NLRP1: variants seen among roughly 807,000 people sequenced by gnomAD.
NLRP1 encodes the protein NLR family pyrin domain containing 1, also known as NACHT, LRR and PYD domains-containing protein 1.
In NLRP1, 94 loss-of-function variants were observed where a neutral mutation model predicts 136.7. The ratio of observed to expected loss-of-function variants is 0.69; its 90% CI spans 0.58 to 0.82. The LOEUF is 0.82. Among genes scored for constraint, NLRP1 ranks in the 40% least tolerant of loss-of-function variants. NLRP1 has a pLI of 0.00. For missense variants in NLRP1, 1,575 were observed against 1,802.7 expected, an observed-to-expected ratio of 0.87 and a Z score of 2.29; for synonymous variants, 690 against 725.1, an observed-to-expected ratio of 0.95 and a Z score of 0.78.
intron 3 of NLRP1, among the ~76,000 whole-genome samples, chr17:5,581,168 T>C (rs534658711): frequency 2.0e-5 from 3 of 152,340 alleles, no homozygotes; most frequent in Non-Finnish European, 2.9e-5. Context: ...AGAGGCAGCA[T>C]GGTTCAGTGG....
chr17:5,580,964 G>A (rs976284920), intron 3 of NLRP1, among the ~76,000 whole-genome samples: 40 of 152,072 alleles, frequency 2.6e-4, no homozygotes, highest in Admixed American at 2.5e-3. Flanking sequence ...AGACTCACGC[G>A]GTATATGTGC....
At chr17:5,552,787 C>T (rs76456298) in intron 5 of NLRP1, among the ~76,000 whole-genome samples, 2,899 of 152,312 alleles carry the variant, frequency 0.019, 98 homozygotes, top group African/African-American at 0.067. Context: ...TTAGTCCAAA[C>T]TATTACCATC....
chr17:5,516,923 G>A (rs1054538229), intron 15 of NLRP1, among the ~76,000 whole-genome samples: 8 of 152,148 alleles, frequency 5.3e-5, no homozygotes, highest in African/African-American at 1.4e-4. Context: ...CTGTTTGGGG[G>A]TTTGGGTTCT....
chr17:5,506,965 C>T (rs923486413), intron 15 of NLRP1, among the ~76,000 whole-genome samples: 7 of 149,334 alleles, frequency 4.7e-5, no homozygotes, highest in African/African-American at 1.7e-4. Context: ...ACCTTGAACA[C>T]TTTGTGATAA....
chr17:5,565,288 G>A (rs890871929), intron 3 of NLRP1, among the ~76,000 whole-genome samples: 1 of 152,168 alleles, frequency 6.6e-6, no homozygotes, highest in African/African-American at 2.4e-5. Context: ...ATCTTCTTCT[G>A]AGAAACGTCT....
At chr17:5,572,839 G>C (rs1203042956) in intron 3 of NLRP1, among the ~76,000 whole-genome samples, 1 of 152,142 alleles carries the variant, frequency 6.6e-6, no homozygotes, top group Non-Finnish European at 1.5e-5. Flanking sequence ...AATTGGGGTG[G>C]TTCCAAGATG....
At chr17:5,562,688 C>A (rs1384877940) in intron 3 of NLRP1, among the ~76,000 whole-genome samples, 1 of 152,172 alleles carries the variant, frequency 6.6e-6, no homozygotes, top group African/African-American at 2.4e-5. Flanking sequence ...AAATACAACA[C>A]CAAAATGTTT....
In NLRP1 at chr17:5,581,889, G is replaced by A. The variant is rs753571228; in HGVS notation, c.622C>T (p.Leu208=). 10 of 1,613,060 alleles carry A rather than the reference G, an allele frequency of 6.2e-6. No homozygotes were observed. The highest frequency in any genetic ancestry group is 6.8e-6 in the Non-Finnish European group (8 of 1,179,990). Residue 208 remains leucine, a synonymous_variant, in exon 3 of 17, where the codon CTG becomes TTG. Transcript: ENST00000572272. ...EQEAPGTQWP[L]DETSGIYYTE... The stretch of plus-strand genomic sequence containing the variant: ...TAGTAAATTCCTGACGTTTCATCCA[G>A]AGGCCATTGGGTCCCAGGAGCCTCC...
In NLRP1 at chr17:5,559,346, G is replaced by A. The variant is rs918854800; in HGVS notation, c.1350C>T (p.Pro450=). The change falls in exon 4 of 17, where the codon CCC becomes CCT. Residue 450 remains proline (P), a synonymous_variant. Transcript: ENST00000572272. ...GAGCCGTGATCAGGAAGGATGCCTCGGGAAGTATAGTTTTCCCCAGCAAAC... is the reference window on the plus strand; with the variant it reads ...GAGCCGTGATCAGGAAGGATGCCTCAGGAAGTATAGTTTTCCCCAGCAAAC... ...LGSLLGKTIL[P]EASFLITART... is the part of the protein sequence containing the mutation. The A allele has an allele frequency of 1.7e-5, 27 of 1,613,776 alleles. No homozygotes were observed. The highest frequency in any genetic ancestry group is 2.1e-5 in the Non-Finnish European group (25 of 1,179,844).
chr17:5,507,621 G>A (rs929373216), intron 15 of NLRP1, among the ~76,000 whole-genome samples: 1 of 152,142 alleles, frequency 6.6e-6, no homozygotes, highest in African/African-American at 2.4e-5. Flanking sequence ...TCAGGAGATC[G>A]AGTCCATCCT....
At position 5,537,977 on chromosome 17, in the gene NLRP1, A is replaced by G. The variant is rs1174294646; in HGVS notation, c.2871-1037T>C. Among the ~76,000 whole-genome samples the G allele has an allele frequency of 2.0e-5, 3 of 152,232 alleles. No homozygotes were observed. Among genetic ancestry groups the G allele is most frequent in the African/African-American group, 7.2e-5 (3 of 41,462 alleles). Reference sequence around the variant, plus strand: ...TGGGATGGAGTTCCCATGGTTGTAGATAGCCAGTGTCAGCTACAGGAGAAC... The same window carrying G: ...TGGGATGGAGTTCCCATGGTTGTAGGTAGCCAGTGTCAGCTACAGGAGAAC... On this transcript the variant is annotated intron_variant, in intron 7 of 16. Transcript: ENST00000572272. The surrounding 1 kb of genome is among the most constrained non-coding windows in gnomAD (Gnocchi z 4.5).
In NLRP1 at chr17:5,514,578, C is replaced by A. The variant is rs1907848294; in HGVS notation, c.*176G>T. ...CTGTTAGGCCACCTGGACTGGGGCC[C>A]CCTGTGGCATCCCTGGCATGGACAC... is the stretch of plus-strand genomic sequence containing the variant. On this transcript the variant is annotated 3_prime_UTR_variant, in exon 17 of 17. Coordinates refer to ENST00000572272, the MANE Select transcript of NLRP1 (RefSeq NM_033004.4). 4.9e-6 allele frequency: 7 copies of A among 1,441,708 alleles called. No individual in the cohort carries two copies. The highest frequency in any genetic ancestry group is 4.5e-6 in the Non-Finnish European group (5 of 1,101,630). The allele number at this position is 1,441,708 out of a possible 1,614,324, so 89.3% of individuals were successfully genotyped here. A position where few individuals can be genotyped will look rare whatever the true frequency, so the allele number is the denominator to read the frequency against.
chr17:5,581,945 G>A lies in NLRP1; in HGVS notation c.566C>T (p.Pro189Leu), dbSNP rs1442259587. 1.2e-6 allele frequency: 2 copies of A among 1,613,866 alleles called. No individual in the cohort carries two copies. Among genetic ancestry groups the A allele is most frequent in the Non-Finnish European group, 8.5e-7 (1 of 1,179,864 alleles). ...STAVLGSWGS[P>L]PQPSLAPREQ... ...TCTGGGTGCTAGGCTGGGCTGAGGT[G>A]GGGATCCCCAGCTCCCCAGCACTGC... is the stretch of plus-strand genomic sequence containing the variant. Residue 189 changes from proline (P) to leucine (L), a missense_variant, in exon 3 of 17, where the codon CCA becomes CTA. Coordinates refer to ENST00000572272, the MANE Select transcript of NLRP1 (RefSeq NM_033004.4).
downstream of NLRP1, chr17:5,514,108 G>T (rs1202580850): frequency 6.6e-6 from 1 of 152,236 alleles, no homozygotes; most frequent in East Asian, 1.9e-4. Flanking sequence ...AGTCGGGACT[G>T]CTGTGCCTAT....
chr17:5,501,900 G>A, intron 15 of NLRP1: 1 of 1,605,376 alleles, frequency 6.2e-7, no homozygotes, highest in Non-Finnish European at 8.5e-7. Context: ...CAATCACTTG[G>A]ATTTATTTGA....
downstream of NLRP1, among the ~76,000 whole-genome samples, chr17:5,511,467 A>G (rs1907623308): frequency 6.7e-6 from 1 of 149,048 alleles, no homozygotes; most frequent in Non-Finnish European, 1.5e-5. Context: ...TCTGGATCCA[A>G]AGCGGACATG....
chr17:5,524,010 G>A (rs966781479), intron 12 of NLRP1, among the ~76,000 whole-genome samples: 5 of 152,138 alleles, frequency 3.3e-5, no homozygotes, highest in Non-Finnish European at 7.4e-5. Context: ...CACAGCCTCC[G>A]CCTCCTGGGT....
At chr17:5,565,326 C>A (rs933803503) in intron 3 of NLRP1, among the ~76,000 whole-genome samples, 2 of 152,060 alleles carry the variant, frequency 1.3e-5, no homozygotes, top group African/African-American at 4.8e-5. Context: ...ATTTTTTGAT[C>A]GAATTTTAGA....
chr17:5,572,307 T>C lies in NLRP1; in HGVS notation c.652+9552A>G, dbSNP rs150454443. 8.2e-3 allele frequency among the ~76,000 whole-genome samples: 1,243 copies of C among 152,130 alleles called. 14 individuals carry two copies. Among genetic ancestry groups the C allele is most frequent in the African/African-American group, 0.027 (1,141 of 41,492 alleles). Reference sequence around the variant, plus strand: ...CAAAAGAAACTACCCACAAAGTAAATAGACAACCCACAGAATGGGAGAAAA... The same window carrying C: ...CAAAAGAAACTACCCACAAAGTAAACAGACAACCCACAGAATGGGAGAAAA... On this transcript the variant is annotated intron_variant, in intron 3 of 16. Coordinates refer to ENST00000572272, the MANE Select transcript of NLRP1 (RefSeq NM_033004.4).
Sources: gnomAD v4.1 joint callset for allele counts (sites outside exome capture counted in the v4.1 genomes callset) on GRCh38, gnomAD v4.1.1 for gene constraint, Gnocchi (gnomAD v3.1) non-coding constraint, MANE v1.5 for transcripts, NCBI Gene and HGNC (gene_info 2026-07-23, HGNC 2026-07-21) for gene names.